The following PALB2 variants were observed in gnomAD, a reference collection of about 807,000 sequenced individuals.
The protein encoded by PALB2 is partner and localizer of BRCA2.
Under a neutral mutation model 107.4 loss-of-function variants are expected in PALB2, and 82 were observed. That is an observed-to-expected ratio of 0.76 (90% CI 0.64 to 0.92). The LOEUF (loss-of-function observed/expected upper bound fraction) is 0.92. Among genes scored for constraint, PALB2 ranks in the 40% least tolerant of loss-of-function variants. The probability of loss-of-function intolerance (pLI) is 0.00; values close to 1 mark genes in which losing one functional copy is unlikely to be tolerated. For synonymous variants in PALB2, 489 were observed against 496.8 expected, an observed-to-expected ratio of 0.98 and a Z score of 0.21; for missense variants, 1,374 against 1,379.9, an observed-to-expected ratio of 1.00 and a Z score of 0.07.
intron 11 of PALB2, 123 bp downstream of exon 11, chr16:23,613,881 G>A: frequency 1.4e-6 from 1 of 723,296 alleles, no homozygotes; most frequent in Non-Finnish European, 2.5e-6. Flanking sequence ...GACAAACATT[G>A]CTATCCAATT....
Position 23,641,273 on chromosome 16 carries a change from T to G in PALB2, c.-116A>C. The G allele has an allele frequency of 7.3e-7, 1 of 1,368,228 alleles. No homozygotes were observed. The highest frequency in any genetic ancestry group is 1.0e-6 in the Non-Finnish European group (1 of 986,732). 84.8% of individuals were successfully genotyped at this position (1,368,228 alleles called of 1,614,324 possible). ...CCAGGAAGGAATGGGGAGCCCGGGA[T>G]CGCACCCTCAGTGCGCGATCAGCTG... is the stretch of plus-strand genomic sequence containing the variant. On this transcript the variant is annotated 5_prime_UTR_variant, in exon 1 of 13. Coordinates refer to ENST00000261584, the MANE Select transcript of PALB2 (RefSeq NM_024675.4).
At chr16:23,614,140 G>A (rs760705923) in intron 10 of PALB2, 49 bp from the exon 11 acceptor site, 2 of 1,344,684 alleles carry the variant, frequency 1.5e-6, no homozygotes, top group South Asian at 1.2e-5. Context: ...CAACAAACCA[G>A]TTTTCAGAAA....
chr16:23,627,102 A>G (rs984593486), intron 6 of PALB2, among the ~76,000 whole-genome samples: 4 of 152,162 alleles, frequency 2.6e-5, no homozygotes, highest in Non-Finnish European at 4.4e-5. Context: ...ACATTATACT[A>G]TCTACTATTA....
rs769163259 is a variant in PALB2 at position 23,607,966 on chromosome 16, T to TA, written c.3247_3248insT (p.Glu1083ValfsTer14). On this transcript the variant is annotated frameshift_variant, in exon 12 of 13. Transcript: ENST00000261584. LOFTEE classifies it high-confidence loss of function. ...CTGAAACACAGGGCTTCGCAACGAC[T>TA]CACTCTCTTTGGCACAGGGATGACT... The TA allele has an allele frequency of 6.2e-7, 1 of 1,614,098 alleles. No homozygotes were observed. Among genetic ancestry groups the TA allele is most frequent in the Non-Finnish European group, 8.5e-7 (1 of 1,179,996 alleles).
chr16:23,624,232 C>A (rs1018244137), intron 7 of PALB2, 138 bp from the exon 8 acceptor site: 15 of 675,534 alleles, frequency 2.2e-5, no homozygotes, highest in African/African-American at 2.0e-4. Context: ...TCAGAAAACT[C>A]TTTTTATTAG....
chr16:23,605,357 A>G (rs1020340743), intron 12 of PALB2, among the ~76,000 whole-genome samples: 2 of 152,100 alleles, frequency 1.3e-5, no homozygotes, highest in East Asian at 3.9e-4. Context: ...GCACTGAACA[A>G]CAGTCACTAG....
At chr16:23,638,230 G>A (rs1267247755) in intron 1 of PALB2, 101 bp from the exon 2 acceptor site, 128 of 866,622 alleles carry the variant, frequency 1.5e-4, no homozygotes, top group Non-Finnish European at 1.9e-4. Flanking sequence ...GAGGCAGGGA[G>A]TAGCACTGGT....
intron 10 of PALB2, among the ~76,000 whole-genome samples, chr16:23,616,131 T>G (rs980001225): frequency 1.3e-5 from 2 of 152,146 alleles, no homozygotes; most frequent in Admixed American, 1.3e-4. Context: ...TGCCACCCAT[T>G]ACAGAAGAGT....
At chr16:23,634,820 TTCATCATCA>T (rs368593832) in intron 4 of PALB2, 33 bp downstream of exon 4, 3 of 1,582,710 alleles carry the variant, frequency 1.9e-6, no homozygotes, top group African/African-American at 1.4e-5. Context: ...ATTGTTAACT[TTCATCATCA>T]TCATCATCAT....
At chr16:23,618,400 T>C (rs1190948745) in intron 10 of PALB2, among the ~76,000 whole-genome samples, 1 of 151,980 alleles carries the variant, frequency 6.6e-6, no homozygotes, top group Non-Finnish European at 1.5e-5. Context: ...AGGGTACAAC[T>C]GAGAGATGGG....
rs864622170 is a variant in PALB2, at chr16:23,634,983, G to C, written c.1563C>G (p.Thr521=). ...GTGGTTCACAATGATCTGATGCTGG[G>C]GTGCAGGCTGATTTTCTTTTTCCTG... is the stretch of plus-strand genomic sequence containing the variant. ...RYTGKRKSAC[T]PASDHCEPLL... is the part of the protein sequence containing the mutation. Residue 521 remains threonine (T), a synonymous_variant, in exon 4 of 13, where the codon ACC becomes ACG. Coordinates refer to ENST00000261584, the MANE Select transcript of PALB2 (RefSeq NM_024675.4). 1 of 1,614,044 alleles carries C rather than the reference G, an allele frequency of 6.2e-7. No homozygotes were observed. Among genetic ancestry groups the C allele is most frequent in the African/African-American group, 1.3e-5 (1 of 74,904 alleles).
chr16:23,609,310 A>T (rs751242167), intron 11 of PALB2, among the ~76,000 whole-genome samples: 1 of 152,180 alleles, frequency 6.6e-6, no homozygotes, highest in Non-Finnish European at 1.5e-5. Context: ...ATGTAATCCC[A>T]TCAACTTGGC....
At position 23,635,153 on chromosome 16, in the gene PALB2, T is replaced by C. The variant is rs1170015107; in HGVS notation, c.1393A>G (p.Met465Val). Residue 465 changes from methionine (M) to valine (V), a missense_variant, in exon 4 of 13, where the codon ATG becomes GTG. Physicochemically the swap from Met to Val is conservative, Grantham distance 21. Transcript: ENST00000261584. ...NEETDQSEIRMSGTCTGQPSS... is the reference protein window; with the variant it reads ...NEETDQSEIRVSGTCTGQPSS... Reference sequence around the variant, plus strand: ...GGTTGTCCTGTGCATGTGCCAGACATCCTAATTTCACTTTGGTCAGTTTCC... The same window carrying C: ...GGTTGTCCTGTGCATGTGCCAGACACCCTAATTTCACTTTGGTCAGTTTCC... 6.2e-7 allele frequency: 1 copy of C among 1,614,218 alleles called. No individual in the cohort carries two copies. The highest frequency in any genetic ancestry group is 8.5e-7 in the Non-Finnish European group (1 of 1,180,040).
chr16:23,604,438 G>A (rs891676568), intron 12 of PALB2, among the ~76,000 whole-genome samples: 6 of 152,210 alleles, frequency 3.9e-5, no homozygotes, highest in Admixed American at 2.0e-4. Flanking sequence ...AAGGCTTAGC[G>A]CAGTGCCTGG....
chr16:23,614,200 A>AT, intron 10 of PALB2, 109 bp from the exon 11 acceptor site: 1 of 770,730 alleles, frequency 1.3e-6, no homozygotes, highest in Non-Finnish European at 2.2e-6. Context: ...CAGGGAAAAA[A>AT]CTAAGAGCTC....
At chr16:23,636,628 G>C (rs1967069512) in intron 3 of PALB2, among the ~76,000 whole-genome samples, 3 of 152,090 alleles carry the variant, frequency 2.0e-5, no homozygotes. Flanking sequence ...ATTTTTAAAA[G>C]TTCTGATTTT....
intron 5 of PALB2, among the ~76,000 whole-genome samples, 163 bp from the exon 6 acceptor site, chr16:23,629,438 C>A (rs1287599951): frequency 6.6e-6 from 1 of 152,194 alleles, no homozygotes; most frequent in East Asian, 1.9e-4. Context: ...GAGAATAGGA[C>A]CTCCCATATT....
chr16:23,638,313 C>T (rs1967118195), intron 1 of PALB2, 184 bp from the exon 2 acceptor site: 1 of 644,976 alleles, frequency 1.6e-6, no homozygotes, highest in Non-Finnish European at 2.8e-6. Flanking sequence ...ATAACCTGTT[C>T]CTATCATCTG....
intron 3 of PALB2, among the ~76,000 whole-genome samples, chr16:23,637,337 AGG>A (rs1284319581): frequency 1.3e-5 from 2 of 152,210 alleles, no homozygotes; most frequent in Admixed American, 1.3e-4. Context: ...AGAGCAAGAG[AGG>A]GAAAAAGAAT....
Sources: allele counts gnomAD v4.1 joint callset (sites outside exome capture counted in the v4.1 genomes callset), GRCh38; gene constraint gnomAD v4.1.1; transcripts MANE v1.5; gene names NCBI Gene and HGNC (gene_info 2026-07-23, HGNC 2026-07-21).